The following XKR9 variants were observed in gnomAD, a reference collection of about 807,000 sequenced individuals.
XKR9 encodes the protein XK-related protein 9.
Under a neutral mutation model 32.0 loss-of-function variants are expected in XKR9, and 32 were observed. The ratio of observed to expected loss-of-function variants is 1.00; its 90% CI spans 0.76 to 1.34. XKR9 has a LOEUF of 1.34. Ranked by LOEUF, XKR9 falls within the 40% of genes most tolerant of loss-of-function variation. The pLI is 0.00. For missense variants in XKR9, 546 were observed against 429.7 expected, an observed-to-expected ratio of 1.27 and a Z score of -2.39; for synonymous variants, 168 against 143.4, an observed-to-expected ratio of 1.17 and a Z score of -1.22.
chr8:70,878,542 T>A, the XKR9 span, among the ~76,000 whole-genome samples: 14 of 151,590 alleles, frequency 9.2e-5, no homozygotes, highest in African/African-American at 3.4e-4. Flanking sequence ...CCAACAAAGA[T>A]CAAAAGAGAC....
intron 3 of XKR9, among the ~76,000 whole-genome samples, chr8:70,687,312 CTCTTTCTTTCTT>C (rs57039682): frequency 0.082 from 11,389 of 138,318 alleles, 568 homozygotes; most frequent in Non-Finnish European, 0.11. Flanking sequence ...TCTCTCCTCC[CTCTTTCTTTCTT>C]TCTTTCTTTC....
At chr8:71,065,310 T>G in the XKR9 span, among the ~76,000 whole-genome samples, 2 of 152,128 alleles carry the variant, frequency 1.3e-5, no homozygotes, top group African/African-American at 2.4e-5. Flanking sequence ...GGTGGCCTTA[T>G]AAGAAGAAGA....
chr8:71,007,093 T>G, the XKR9 span, among the ~76,000 whole-genome samples: 1 of 152,168 alleles, frequency 6.6e-6, no homozygotes, highest in East Asian at 1.9e-4. Context: ...TCCTGTTGCA[T>G]AGCAATCAAT....
chr8:70,972,086 C>T, the XKR9 span, among the ~76,000 whole-genome samples: 4 of 152,036 alleles, frequency 2.6e-5, no homozygotes, highest in Non-Finnish European at 2.9e-5. Context: ...TCTACTCAGC[C>T]GTGAGCATGG....
the XKR9 span, among the ~76,000 whole-genome samples, chr8:70,866,795 A>G: frequency 1.3e-5 from 2 of 152,076 alleles, no homozygotes; most frequent in African/African-American, 4.8e-5. Context: ...CTGGAGTATG[A>G]TATCCAAAGA....
At chr8:70,942,393 T>C in the XKR9 span, among the ~76,000 whole-genome samples, 1 of 152,136 alleles carries the variant, frequency 6.6e-6, no homozygotes, top group Admixed American at 6.5e-5. Flanking sequence ...CAGCATGATG[T>C]TTTACGGTAG....
At chr8:70,796,352 A>G in the XKR9 span, among the ~76,000 whole-genome samples, 1 of 151,916 alleles carries the variant, frequency 6.6e-6, no homozygotes, top group African/African-American at 2.4e-5. Flanking sequence ...TAAGTTATCT[A>G]ATTTGTTTCT....
Position 70,735,436 on chromosome 8 carries a change from T to C in XKR9, c.*1012T>C, listed in dbSNP as rs1286968441. ...AAGTGGTGGGGACTTTGTTTATTTA[T>C]TTATTTTTAATTTTTTAATTTTATA... On this transcript the variant is annotated 3_prime_UTR_variant, in exon 5 of 5. Coordinates refer to ENST00000408926, the MANE Select transcript of XKR9 (RefSeq NM_001011720.2). 6.6e-6 allele frequency: 1 copy of C among 151,150 alleles called. No individual in the cohort carries two copies. Among genetic ancestry groups the C allele is most frequent in the South Asian group, 2.1e-4 (1 of 4,818 alleles). The allele number at this position is 151,150 out of a possible 1,614,324, so 9.4% of individuals were successfully genotyped here.
chr8:70,943,049 A>G, the XKR9 span, among the ~76,000 whole-genome samples: 1 of 142,636 alleles, frequency 7.0e-6, no homozygotes, highest in Admixed American at 7.0e-5. Context: ...ATTTATGAAA[A>G]TTGTATTTTT....
chr8:70,688,203 T>C lies in XKR9; in HGVS notation c.272+6873T>C, dbSNP rs535840501. Among the ~76,000 whole-genome samples the C allele has an allele frequency of 3.9e-5, 6 of 152,246 alleles. No homozygotes were observed. In the East Asian group the frequency reaches 1.2e-3, roughly 29 times the overall value. ...GAAGTGGTGGTCAAATCTTCAGAAG[T>C]ATATTAGTAGAAACAGAGGTAGACC... On this transcript the variant is annotated intron_variant, in intron 3 of 4. Transcript: ENST00000408926.
chr8:70,681,085 G>A lies in XKR9; in HGVS notation c.27G>A (p.Met9Ile), dbSNP rs1819063014. 6.2e-7 allele frequency: 1 copy of A among 1,612,128 alleles called. No individual in the cohort carries two copies. The highest frequency in any genetic ancestry group is 1.3e-5 in the African/African-American group (1 of 74,840). Reference protein sequence around the residue: MKYTKQNFMMSVLGIIIYV... With the variant: MKYTKQNFIMSVLGIIIYV... ...TGAAATATACTAAACAGAATTTTATGATGTCAGTTCTTGGCATTATAATCT... is the reference window on the plus strand; with the variant it reads ...TGAAATATACTAAACAGAATTTTATAATGTCAGTTCTTGGCATTATAATCT... Residue 9 changes from methionine (M) to isoleucine (I), a missense_variant, in exon 3 of 5, where the codon ATG (methionine) becomes ATA (isoleucine). Met to Ile is a conservative substitution (Grantham distance 10). Transcript: ENST00000408926.
intron 2 of XKR9, among the ~76,000 whole-genome samples, chr8:70,675,230 A>G (rs1206930618): frequency 6.6e-6 from 1 of 152,164 alleles, no homozygotes; most frequent in African/African-American, 2.4e-5. Context: ...ATTCGAAATC[A>G]GCCTGCCCAA....
the XKR9 span, among the ~76,000 whole-genome samples, chr8:70,976,835 A>T: frequency 2.0e-5 from 3 of 152,246 alleles, no homozygotes; most frequent in Non-Finnish European, 4.4e-5. Flanking sequence ...TTGGCTGTGA[A>T]TCTGTCTGGT....
intron 4 of XKR9, among the ~76,000 whole-genome samples, chr8:70,716,482 A>G (rs372368975): frequency 2.6e-5 from 4 of 152,174 alleles, no homozygotes; most frequent in Non-Finnish European, 4.4e-5. Context: ...AAGCAAACAC[A>G]TCCTTCTTCA....
chr8:70,693,020 G>A (rs1191208439), intron 3 of XKR9, among the ~76,000 whole-genome samples: 3 of 152,140 alleles, frequency 2.0e-5, no homozygotes, highest in African/African-American at 7.2e-5. Flanking sequence ...TAGTTCTGTT[G>A]ATGTGATGAA....
At chr8:70,909,603 A>G in the XKR9 span, among the ~76,000 whole-genome samples, 1 of 151,400 alleles carries the variant, frequency 6.6e-6, no homozygotes, top group Non-Finnish European at 1.5e-5. Context: ...AGATCTCGCC[A>G]CTGCACTCCA....
At chr8:70,763,221 A>G (rs1190552216) in intron 2 of XKR9, among the ~76,000 whole-genome samples, 1 of 152,216 alleles carries the variant, frequency 6.6e-6, no homozygotes, top group East Asian at 1.9e-4. Flanking sequence ...AGCTCAATAC[A>G]TCTGTGGGTA....
chr8:70,849,460 A>G, the XKR9 span, among the ~76,000 whole-genome samples: 1 of 152,222 alleles, frequency 6.6e-6, no homozygotes, highest in Admixed American at 6.5e-5. Context: ...GGACACAGCT[A>G]TCGCAGTGTT....
intron 3 of XKR9, among the ~76,000 whole-genome samples, chr8:70,789,752 A>C (rs1314161909): frequency 6.6e-6 from 1 of 152,044 alleles, no homozygotes; most frequent in Non-Finnish European, 1.5e-5. Flanking sequence ...AATAATTTAA[A>C]AAGCAAAGTC....
Sources: allele counts gnomAD v4.1 joint callset (sites outside exome capture counted in the v4.1 genomes callset), GRCh38; gene constraint gnomAD v4.1.1; transcripts MANE v1.5; gene names NCBI Gene and HGNC (gene_info 2026-07-23, HGNC 2026-07-21).